The following DLC1 variants were observed in gnomAD, a reference collection of about 807,000 sequenced individuals.
The protein encoded by DLC1 is rho GTPase-activating protein 7.
A neutral mutation model predicts 140.3 loss-of-function variants in DLC1; 54 were observed. That is an observed-to-expected ratio of 0.38 (90% CI 0.31 to 0.48). DLC1 has a LOEUF of 0.48. DLC1 is among the 20% of genes least tolerant of loss of function. The probability of loss-of-function intolerance (pLI) is 0.96; values close to 1 mark genes in which losing one functional copy is unlikely to be tolerated. For synonymous variants in DLC1, 986 were observed against 728.1 expected (o/e 1.35, Z -5.70); for missense variants, 2,536 against 1,907.0 (o/e 1.33, Z -6.14).
At chr8:13,577,422 T>C (rs1478519067) in intron 1 of DLC1, among the ~76,000 whole-genome samples, 1 of 152,180 alleles carries the variant, frequency 6.6e-6, no homozygotes, top group Non-Finnish European at 1.5e-5. Flanking sequence ...TAATGTATTT[T>C]TTGCAGTGGT....
At chr8:13,490,941 C>T (rs929479525) in intron 2 of DLC1, among the ~76,000 whole-genome samples, 4 of 149,110 alleles carry the variant, frequency 2.7e-5, no homozygotes, top group African/African-American at 9.8e-5. Flanking sequence ...GAACAAGGAA[C>T]GTTCAGGTTT....
chr8:13,369,896 A>C (rs113512964), intron 4 of DLC1, among the ~76,000 whole-genome samples: 1,436 of 135,376 alleles, frequency 0.011, 12 homozygotes, highest in Middle Eastern at 0.036. Flanking sequence ...ATAGAAGTCA[A>C]AGTCAGATTT....
chr8:13,158,774 T>A (rs1426486308), intron 5 of DLC1, among the ~76,000 whole-genome samples: 1 of 122,572 alleles, frequency 8.2e-6, no homozygotes, highest in Non-Finnish European at 1.7e-5. Context: ...TCCTCTTTTT[T>A]TCCTCTGTCT....
intron 2 of DLC1, among the ~76,000 whole-genome samples, chr8:13,452,612 G>T (rs1799119587): frequency 6.6e-6 from 1 of 152,170 alleles, no homozygotes. Context: ...AGCTCCTTCA[G>T]TACATTATGA....
Position 13,499,427 on chromosome 8 carries a change from G to T in DLC1, c.645C>A (p.Asn215Lys). The change falls in exon 2 of 18, where the codon AAC becomes AAA. Residue 215 changes from asparagine (N) to lysine (K), a missense_variant. Physicochemically the swap from Asn to Lys is moderately conservative, Grantham distance 94 (BLOSUM62 0). Coordinates refer to ENST00000276297, the MANE Select transcript of DLC1 (RefSeq NM_182643.3). The part of the protein sequence containing the change: ...APKVNAVDTL[N>K]VKDIAPEKQL... ...GTTTCTCAGGTGCAATATCTTTCACGTTCAAAGTATCCACTGCATTTACTT... is the reference window on the plus strand; with the variant it reads ...GTTTCTCAGGTGCAATATCTTTCACTTTCAAAGTATCCACTGCATTTACTT... The T allele has an allele frequency of 6.2e-7, 1 of 1,613,782 alleles. No homozygotes were observed. Among genetic ancestry groups the T allele is most frequent in the Middle Eastern group, 1.7e-4 (1 of 6,058 alleles).
intron 1 of DLC1, among the ~76,000 whole-genome samples, chr8:13,564,506 A>G (rs562908976): frequency 1.3e-5 from 2 of 152,296 alleles, no homozygotes; most frequent in East Asian, 3.9e-4. Flanking sequence ...TCTCTCTTAT[A>G]CTTAAACTAG....
At chr8:13,537,725 C>T (rs1024608261) in intron 1 of DLC1, among the ~76,000 whole-genome samples, 5 of 143,146 alleles carry the variant, frequency 3.5e-5, no homozygotes, top group Admixed American at 2.2e-4. Context: ...GCGATCTCGG[C>T]TCACTGCAAG....
intron 1 of DLC1, among the ~76,000 whole-genome samples, chr8:13,550,172 T>C (rs369045480): frequency 2.0e-5 from 3 of 151,960 alleles, no homozygotes; most frequent in Admixed American, 2.0e-4. Context: ...GGGGAGGTGA[T>C]TGGATTATGG....
chr8:13,204,378 G>T (rs774768672), intron 5 of DLC1, among the ~76,000 whole-genome samples: 1 of 152,098 alleles, frequency 6.6e-6, no homozygotes, highest in African/African-American at 2.4e-5. Flanking sequence ...AATGAGAACC[G>T]CTATCATAGG....
chr8:13,120,341 G>A (rs977381511), intron 5 of DLC1, among the ~76,000 whole-genome samples: 280 of 9,772 alleles, frequency 0.029, 4 homozygotes, highest in African/African-American at 0.056. Context: ...AGACTCCGTC[G>A]CAAAAAAAAA....
intron 4 of DLC1, among the ~76,000 whole-genome samples, chr8:13,379,828 A>G (rs1836171556): frequency 6.6e-6 from 1 of 152,168 alleles, no homozygotes; most frequent in Non-Finnish European, 1.5e-5. Flanking sequence ...AAAAAGATTG[A>G]GTTCATGGTC....
At chr8:13,439,149 T>G (rs1839249508) in intron 2 of DLC1, among the ~76,000 whole-genome samples, 1 of 152,062 alleles carries the variant, frequency 6.6e-6, no homozygotes, top group African/African-American at 2.4e-5. Context: ...ACATGGTGAA[T>G]TCCGTCTCTA....
intron 1 of DLC1, among the ~76,000 whole-genome samples, chr8:13,562,168 A>T (rs1191842305): frequency 2.0e-5 from 3 of 152,148 alleles, no homozygotes; most frequent in Admixed American, 2.0e-4. Flanking sequence ...AAAATAACTA[A>T]CAAAATAAAA....
chr8:13,494,821 C>T (rs1801428093), intron 2 of DLC1, among the ~76,000 whole-genome samples: 1 of 151,992 alleles, frequency 6.6e-6, no homozygotes, highest in African/African-American at 2.4e-5. Context: ...TGTGAGGGTG[C>T]ACTCCTGTAA....
At chr8:13,585,810 T>A (rs766743061) in intron 1 of DLC1, among the ~76,000 whole-genome samples, 2 of 152,190 alleles carry the variant, frequency 1.3e-5, no homozygotes, top group Non-Finnish European at 2.9e-5. Flanking sequence ...TCCCTCTTCA[T>A]AGGGACACTG....
At chr8:13,111,997 A>C (rs1045892157) in intron 6 of DLC1, among the ~76,000 whole-genome samples, 1 of 152,010 alleles carries the variant, frequency 6.6e-6, no homozygotes, top group African/African-American at 2.4e-5. Flanking sequence ...AAAATCTAAA[A>C]AAATTTTACT....
chr8:13,407,371 A>G (rs1365135914), intron 2 of DLC1, among the ~76,000 whole-genome samples: 1 of 152,154 alleles, frequency 6.6e-6, no homozygotes, highest in Non-Finnish European at 1.5e-5. Flanking sequence ...GATAATCCCA[A>G]CACCCCTCTT....
At chr8:13,411,141 A>G (rs982689528) in intron 2 of DLC1, among the ~76,000 whole-genome samples, 11 of 152,200 alleles carry the variant, frequency 7.2e-5, no homozygotes, top group African/African-American at 2.7e-4. Context: ...CTTTATTCAT[A>G]CTTGCTGAAG....
Position 13,499,064 on chromosome 8 carries a change from TCTG to T in DLC1, c.1005_1007del (p.Arg336del), listed in dbSNP as rs1260668616. ...TATGTCTTACCTTTCTCTTACGAAG[TCTG>T]ACTTGGTTATCTGTGGGTTCCTGGG... On this transcript the variant is annotated inframe_deletion, in exon 2 of 18. Coordinates refer to ENST00000276297, the MANE Select transcript of DLC1 (RefSeq NM_182643.3). The T allele has an allele frequency of 5.0e-6, 8 of 1,610,876 alleles. No homozygotes were observed. The highest frequency in any genetic ancestry group is 5.1e-6 in the Non-Finnish European group (6 of 1,178,670).
Sources: allele counts gnomAD v4.1 joint callset (sites outside exome capture counted in the v4.1 genomes callset), GRCh38; gene constraint gnomAD v4.1.1; transcripts MANE v1.5; gene names NCBI Gene and HGNC (gene_info 2026-07-23, HGNC 2026-07-21).